SPATA22: variants seen among roughly 807,000 people sequenced by gnomAD.
SPATA22 encodes spermatogenesis associated 22.
In SPATA22, 29 loss-of-function variants were observed where a neutral mutation model predicts 47.8. The observed-to-expected ratio is 0.61, with a 90% CI of 0.45 to 0.83. The LOEUF (loss-of-function observed/expected upper bound fraction) is 0.83, where lower values mean the gene tolerates loss of function less well. SPATA22 is among the 40% of genes least tolerant of loss of function. The pLI, the probability that SPATA22 is intolerant of heterozygous loss-of-function variation, is 0.00. For synonymous variants in SPATA22, 133 were observed against 140.9 expected (o/e 0.94, Z 0.40); for missense variants, 410 against 421.7 (o/e 0.97, Z 0.24).
chr17:3,500,555 T>C (rs2073977635), intron 1 of SPATA22: 1 of 151,954 alleles, frequency 6.6e-6, no homozygotes, highest in Non-Finnish European at 1.5e-5. Context: ...CAGGCTGGAG[T>C]GCAGTGGCGC....
At position 3,513,806 on chromosome 17, in the gene SPATA22, T is replaced by C. The variant is rs1567627083; in HGVS notation, c.-468A>G. On this transcript the variant is annotated 5_prime_UTR_variant, in exon 1 of 9. Transcript: ENST00000541913. ...TGAGCACGAGGGTGCACTCTGCTTCTAGGCCAGCAGAGCCGGACTCCACCA... is the reference window on the plus strand; with the variant it reads ...TGAGCACGAGGGTGCACTCTGCTTCCAGGCCAGCAGAGCCGGACTCCACCA... The C allele has an allele frequency of 5.5e-6, 5 of 903,506 alleles. No homozygotes were observed. In the South Asian group the frequency reaches 6.0e-5, roughly 11 times the overall value. 56.0% of individuals were successfully genotyped at this position (903,506 alleles called of 1,614,324 possible).
At chr17:3,474,533 A>T (rs1200459309), upstream of SPATA22, among the ~76,000 whole-genome samples, 1 of 152,214 alleles carries the variant, frequency 6.6e-6, no homozygotes, top group Non-Finnish European at 1.5e-5. Flanking sequence ...ACACCGTCTG[A>T]AGTGTTCAGT....
At chr17:3,491,254 TCAGGGACCA>T (rs1281665611) in intron 1 of SPATA22, among the ~76,000 whole-genome samples, 1 of 152,166 alleles carries the variant, frequency 6.6e-6, no homozygotes, top group Non-Finnish European at 1.5e-5. Context: ...GTTAACAACA[TCAGGGACCA>T]AAGTTTTGTT....
Position 3,481,899 on chromosome 17 carries a change from A to C in SPATA22, c.-73-12501T>G, listed in dbSNP as rs1449202294. The C allele has an allele frequency of 4.3e-6, 5 of 1,156,536 alleles. No individual in the cohort carries two copies. In the East Asian group the frequency reaches 1.0e-4, roughly 24 times the overall value. The allele number at this position is 1,156,536 out of a possible 1,614,324, so 71.6% of individuals were successfully genotyped here. A position where few individuals can be genotyped will look rare whatever the true frequency, so the allele number is the denominator to read the frequency against. ...AGAAAACAGTTATGAGGGAAGGTGCAAGAGAAATGGGGTTTATTCCATAGC... is the reference window on the plus strand; with the variant it reads ...AGAAAACAGTTATGAGGGAAGGTGCCAGAGAAATGGGGTTTATTCCATAGC... On this transcript the variant is annotated intron_variant, in intron 1 of 8. Coordinates refer to the SPATA22 transcript ENST00000541913.
chr17:3,441,210 A>C (rs921993899), intron 8 of SPATA22: 1 of 152,110 alleles, frequency 6.6e-6, no homozygotes. Flanking sequence ...TGTTTATCAA[A>C]AGCCATCATC....
upstream of SPATA22, among the ~76,000 whole-genome samples, chr17:3,474,605 C>T (rs1287545314): frequency 2.0e-5 from 3 of 152,240 alleles, no homozygotes; most frequent in South Asian, 6.2e-4. Context: ...TTAGAACAGT[C>T]ATTTTAATGC....
At chr17:3,471,096 A>C (rs1461315315) in intron 1 of SPATA22, among the ~76,000 whole-genome samples, 1 of 150,766 alleles carries the variant, frequency 6.6e-6, no homozygotes, top group Non-Finnish European at 1.5e-5. Flanking sequence ...CGGAGGTTGC[A>C]GTGAGCCGAG....
chr17:3,509,897 TG>T (rs1323701337), intron 1 of SPATA22, among the ~76,000 whole-genome samples: 2 of 152,262 alleles, frequency 1.3e-5, no homozygotes, highest in East Asian at 3.8e-4. Flanking sequence ...GGTTTTGATT[TG>T]CATTTCTCTA....
chr17:3,441,967 G>T (rs947871439), intron 8 of SPATA22: 2 of 151,978 alleles, frequency 1.3e-5, no homozygotes, highest in Non-Finnish European at 2.9e-5. Flanking sequence ...GACATTAAAA[G>T]TCAGGCTAGT....
intron 7 of SPATA22, among the ~76,000 whole-genome samples, chr17:3,443,533 C>A (rs1158198229): frequency 6.6e-6 from 1 of 151,940 alleles, no homozygotes; most frequent in African/African-American, 2.4e-5. Context: ...CCATCTGAAA[C>A]TTTTTCCTTA....
At chr17:3,481,858 T>C (rs2073637194) in intron 1 of SPATA22, 4 of 1,405,538 alleles carry the variant, frequency 2.8e-6, no homozygotes, top group Non-Finnish European at 2.0e-6. Flanking sequence ...AAGTCAATTA[T>C]GGATGTGAGA....
intron 1 of SPATA22, among the ~76,000 whole-genome samples, chr17:3,491,479 G>C (rs2073822633): frequency 1.3e-5 from 2 of 152,140 alleles, no homozygotes; most frequent in African/African-American, 4.8e-5. Flanking sequence ...AGGCGCGGTG[G>C]CTCATGCCTG....
At chr17:3,476,042 C>G (rs1197908382), upstream of SPATA22, 5 of 936,904 alleles carry the variant, frequency 5.3e-6, no homozygotes, top group African/African-American at 8.2e-5. Flanking sequence ...CAAGGGAATT[C>G]TGTACTTTGC....
chr17:3,446,422 C>T, intron 7 of SPATA22, 50 bp downstream of exon 7: 2 of 1,542,192 alleles, frequency 1.3e-6, no homozygotes, highest in Non-Finnish European at 1.7e-6. Flanking sequence ...GACATTAAAA[C>T]CTGTCCTCCA....
At chr17:3,503,280 T>G (rs1056665477) in intron 1 of SPATA22, 1 of 152,140 alleles carries the variant, frequency 6.6e-6, no homozygotes, top group East Asian at 1.9e-4. Context: ...AACCCCACTA[T>G]GCCAGTTTTA....
chr17:3,449,200 C>CAA (rs35147573), intron 5 of SPATA22, 51 bp from the exon 6 acceptor site: 42 of 1,260,152 alleles, frequency 3.3e-5, no homozygotes, highest in African/African-American at 4.6e-5. Flanking sequence ...TTCTTAATTA[C>CAA]AAAAAAAATT....
Position 3,463,573 on chromosome 17 carries a change from ATTAAGTGG to A in SPATA22, c.173-814_173-807del, listed in dbSNP as rs2073180199. ...GAAAGTTGCTTTGGGTGAGTTAGTG[ATTAAGTGG>A]TGAGTGAATACGAAGGCCTAGGACA... is the stretch of plus-strand genomic sequence containing the variant. On this transcript the variant is annotated intron_variant, in intron 3 of 8. Transcript: ENST00000572969. Among the ~76,000 whole-genome samples the A allele has an allele frequency of 2.0e-5, 3 of 152,190 alleles. No individual in the cohort carries two copies. The South Asian group carries it at 6.2e-4, about 31-fold the overall frequency.
At chr17:3,471,415 G>A (rs1437658344) in intron 1 of SPATA22, 3 of 984,600 alleles carry the variant, frequency 3.0e-6, no homozygotes, top group Non-Finnish European at 3.6e-6. Flanking sequence ...TCCTGAGGGC[G>A]GGGACCCTCA....
intron 1 of SPATA22, among the ~76,000 whole-genome samples, chr17:3,487,449 A>G (rs1186048127): frequency 1.3e-5 from 2 of 152,204 alleles, no homozygotes; most frequent in African/African-American, 2.4e-5. Context: ...TAAGGGCCAA[A>G]CATATCAGCA....
Sources: allele counts gnomAD v4.1 joint callset (sites outside exome capture counted in the v4.1 genomes callset), GRCh38; gene constraint gnomAD v4.1.1; transcripts MANE v1.5; gene names NCBI Gene and HGNC (gene_info 2026-07-23, HGNC 2026-07-21).